MYO18A: variants seen among roughly 807,000 people sequenced by gnomAD.
MYO18A encodes myosin XVIIIA, also known as unconventional myosin-XVIIIa.
Under a neutral mutation model 235.8 loss-of-function variants are expected in MYO18A, and 78 were observed. The observed-to-expected ratio is 0.33, with a 90% confidence interval of 0.28 to 0.40. MYO18A has a LOEUF of 0.40. MYO18A is among the 10% of genes least tolerant of loss of function. The probability of loss-of-function intolerance (pLI) is 1.00; values close to 1 mark genes in which losing one functional copy is unlikely to be tolerated. For synonymous variants in MYO18A, 977 were observed against 1,077.8 expected (o/e 0.91, Z 1.83); for missense variants, 2,215 against 2,699.3 (o/e 0.82, Z 3.98).
intron 41 of MYO18A, chr17:29,076,171 CT>C (rs2065971615): frequency 6.5e-6 from 1 of 153,362 alleles, no homozygotes; most frequent in Non-Finnish European, 1.5e-5. Context: ...GGCTATCTTA[CT>C]CTTCACAATA....
At chr17:29,141,455 T>C (rs369669525) in intron 2 of MYO18A, among the ~76,000 whole-genome samples, 2 of 142,792 alleles carry the variant, frequency 1.4e-5, no homozygotes, top group African/African-American at 5.2e-5. Context: ...AAAAATGGGG[T>C]GGGGGTGGTG....
At chr17:29,130,502 A>T (rs1348944931) in intron 2 of MYO18A, among the ~76,000 whole-genome samples, 2 of 150,818 alleles carry the variant, frequency 1.3e-5, no homozygotes, top group Non-Finnish European at 3.0e-5. Context: ...ACACACACAC[A>T]CACACACACA....
intron 26 of MYO18A, 56 bp downstream of exon 26, chr17:29,097,732 G>A: frequency 3.4e-6 from 5 of 1,459,688 alleles, no homozygotes; most frequent in Non-Finnish European, 1.9e-6. Context: ...ACCCAGGGGT[G>A]GGCATCAGGG....
Position 29,103,582 on chromosome 17 carries a change from C to T in MYO18A, c.3507+17G>A. ...CCCTGGAGTGAGGCCCGACTGCCCT[C>T]CTGTGGGACAACTCACCCGGCTCAG... On this transcript the variant is annotated intron_variant, in intron 21 of 41. Transcript: ENST00000527372. The T allele has an allele frequency of 6.2e-7, 1 of 1,613,786 alleles. No homozygotes were observed. Among genetic ancestry groups the T allele is most frequent in the African/African-American group, 1.3e-5 (1 of 75,060 alleles).
chr17:29,095,320 AC>A (rs756827806), intron 28 of MYO18A, among the ~76,000 whole-genome samples: 12 of 152,188 alleles, frequency 7.9e-5, no homozygotes, highest in Non-Finnish European at 1.6e-4. Context: ...GGACCCACAG[AC>A]TGCTTAACAG....
chr17:29,130,435 AT>A (rs1481477642), intron 2 of MYO18A, among the ~76,000 whole-genome samples: 1 of 151,830 alleles, frequency 6.6e-6, no homozygotes, highest in African/African-American at 2.4e-5. Context: ...TGCAAAAAAA[AT>A]AAAATAAAAT....
chr17:29,079,257 C>T (rs1425134273), intron 41 of MYO18A, among the ~76,000 whole-genome samples: 1 of 152,138 alleles, frequency 6.6e-6, no homozygotes. Context: ...GCACTGGCTG[C>T]CTGGAGGAGT....
chr17:29,131,301 ACG>A, intron 2 of MYO18A: 4 of 788,044 alleles, frequency 5.1e-6, no homozygotes, highest in Non-Finnish European at 6.2e-6. Context: ...AAACACACAC[ACG>A]CACACACACA....
chr17:29,117,135 G>A lies in MYO18A; in HGVS notation c.2039-680C>T, dbSNP rs1311859296. The stretch of plus-strand genomic sequence containing the variant: ...AGGGGCCAAAGCCAAAGCCCAAGGT[G>A]CTGTTCAGCGCCAGCATCCCCTTTC... On this transcript the variant is annotated intron_variant, in intron 10 of 41. Coordinates refer to ENST00000527372, the MANE Select transcript of MYO18A (RefSeq NM_078471.4). This position sits in a 1 kb window ranked among gnomAD's most constrained non-coding sequence, Gnocchi z 4.6. 6.6e-6 allele frequency among the ~76,000 whole-genome samples: 1 copy of A among 152,122 alleles called. No individual in the cohort carries two copies. Among genetic ancestry groups the A allele is most frequent in the East Asian group, 1.9e-4 (1 of 5,164 alleles).
In MYO18A at chr17:29,121,872, C is replaced by T. The variant is rs772011298; in HGVS notation, c.1173G>A (p.Val391=). 3.1e-6 allele frequency: 5 copies of T among 1,613,984 alleles called. No individual in the cohort carries two copies. The highest frequency in any genetic ancestry group is 1.1e-5 in the South Asian group (1 of 91,086). Residue 391 remains valine, a synonymous_variant, in exon 4 of 42, where the codon GTG becomes GTA. Transcript: ENST00000527372. The surrounding 1 kb of genome is among the most constrained non-coding windows in gnomAD (Gnocchi z 4.2). ...KLDHDGAILD[V]DEDDVEKANA... is the part of the protein sequence containing the mutation. ...CTACCTTCTCAACGTCATCCTCATC[C>T]ACATCCAGGATGGCCCCATCGTGGT... is the stretch of plus-strand genomic sequence containing the variant.
Position 29,087,186 on chromosome 17 carries a change from G to A in MYO18A, c.5527-65C>T, listed in dbSNP as rs9915854. 5,820 of 1,525,736 alleles carry A rather than the reference G, an allele frequency of 3.8e-3. 184 individuals carry two copies. In the African/African-American group the frequency reaches 0.068, roughly 18 times the overall value. 94.5% of individuals were successfully genotyped at this position (1,525,736 alleles called of 1,614,324 possible). On this transcript the variant is annotated intron_variant, in intron 37 of 41. Transcript: ENST00000527372. ...CCCATCAGCCAGGCAGAGGGAGGGT[G>A]TGGCAGAGCTCTGGGTGAGGAGGCC...
chr17:29,115,743 G>C lies in MYO18A; in HGVS notation c.2148C>G (p.His716Gln), dbSNP rs2067044300. Residue 716 changes from histidine to glutamine, a missense_variant, in exon 12 of 42, where the codon CAC (histidine) becomes CAG (glutamine). His to Gln is a conservative substitution (Grantham distance 24, BLOSUM62 0). Transcript: ENST00000527372. ...GCTGCAGGGTGCCACCCTTGTGCTG[G>C]TGCTTGAAGATGGCTGAGGACAGCT... ...LEELSSAIFKHQHKGGTLQRS... is the reference protein window; with the variant it reads ...LEELSSAIFKQQHKGGTLQRS... The C allele has an allele frequency of 1.2e-6, 2 of 1,601,692 alleles. No homozygotes were observed. Among genetic ancestry groups the C allele is most frequent in the African/African-American group, 2.7e-5 (2 of 74,866 alleles).
At chr17:29,086,871 G>C in intron 38 of MYO18A, 65 bp downstream of exon 38, 2 of 1,514,468 alleles carry the variant, frequency 1.3e-6, no homozygotes, top group Non-Finnish European at 1.8e-6. Flanking sequence ...GCCAGAGTGA[G>C]GCATACACTC....
chr17:29,085,059 G>A lies in MYO18A; in HGVS notation c.5897+545C>T, dbSNP rs187002811. 3.2e-4 allele frequency among the ~76,000 whole-genome samples: 48 copies of A among 152,362 alleles called. No individual in the cohort carries two copies. The East Asian group carries it at 8.9e-3, about 28-fold the overall frequency. On this transcript the variant is annotated intron_variant, in intron 40 of 41. Coordinates refer to ENST00000527372, the MANE Select transcript of MYO18A (RefSeq NM_078471.4). ...TTCCCTTCCCCCGCCACGGCAAGCA[G>A]CCCATGATTAGCTGCCTGAATGCTT...
At chr17:29,143,610 A>G (rs1329935735) in intron 2 of MYO18A, among the ~76,000 whole-genome samples, 2 of 152,196 alleles carry the variant, frequency 1.3e-5, no homozygotes, top group Non-Finnish European at 2.9e-5. Context: ...CATTGTAAGC[A>G]AAATTTCCAG....
At chr17:29,122,033 T>C in intron 3 of MYO18A, 76 bp from the exon 4 acceptor site, 1 of 1,546,344 alleles carries the variant, frequency 6.5e-7, no homozygotes, top group Non-Finnish European at 8.9e-7. Flanking sequence ...CTCGGTCCTA[T>C]CCTCCCCCCC....
At chr17:29,123,730 T>C (rs561812401) in intron 2 of MYO18A, among the ~76,000 whole-genome samples, 1 of 152,352 alleles carries the variant, frequency 6.6e-6, no homozygotes, top group Non-Finnish European at 1.5e-5. Flanking sequence ...AAAAGGCTAG[T>C]TCTTTATATT....
chr17:29,126,052 C>G lies in MYO18A; in HGVS notation c.1000-3799G>C. On this transcript the variant is annotated intron_variant, in intron 2 of 41. Transcript: ENST00000527372. The surrounding 1 kb of genome is among the most constrained non-coding windows in gnomAD (Gnocchi z 4.1). ...CTCCCAGCCCAGGAAGCCACTGGGA[C>G]CCACTAGGGAAGGGGAGCAGCGCCA... 1 of 750,122 alleles carries G rather than the reference C, an allele frequency of 1.3e-6. No individual in the cohort carries two copies. The highest frequency in any genetic ancestry group is 1.6e-6 in the Non-Finnish European group (1 of 614,284). 46.5% of individuals were successfully genotyped at this position (750,122 alleles called of 1,614,324 possible).
At chr17:29,101,675 C>T (rs1053306747) in intron 21 of MYO18A, among the ~76,000 whole-genome samples, 2 of 152,124 alleles carry the variant, frequency 1.3e-5, no homozygotes, top group African/African-American at 4.8e-5. Context: ...ATCCAAGTCC[C>T]GCCGGAGGAC....
Sources: allele counts gnomAD v4.1 joint callset (sites outside exome capture counted in the v4.1 genomes callset), GRCh38; gene constraint gnomAD v4.1.1; non-coding constraint Gnocchi (gnomAD v3.1); transcripts MANE v1.5; gene names NCBI Gene and HGNC (gene_info 2026-07-23, HGNC 2026-07-21).